Variants in BBS9 observed in about 807,000 individuals in gnomAD.
BBS9 encodes the protein protein PTHB1.
A neutral mutation model predicts 117.7 loss-of-function variants in BBS9; 89 were observed. The observed-to-expected ratio is 0.76, with a 90% CI of 0.64 to 0.90. The LOEUF (loss-of-function observed/expected upper bound fraction) is 0.90, where lower values mean the gene tolerates loss of function less well. Among genes scored for constraint, BBS9 ranks in the 40% least tolerant of loss-of-function variants. The pLI, the probability that BBS9 is intolerant of heterozygous loss-of-function variation, is 0.00. For missense variants in BBS9, 982 were observed against 1,042.2 expected (o/e 0.94, Z 0.80); for synonymous variants, 379 against 370.9 (o/e 1.02, Z -0.25).
At chr7:33,587,860 A>G (rs1009124516) in intron 21 of BBS9, among the ~76,000 whole-genome samples, 2 of 152,092 alleles carry the variant, frequency 1.3e-5, no homozygotes, top group African/African-American at 2.4e-5. Context: ...CCAGTTGTTT[A>G]TCTAATCTTT....
intron 5 of BBS9, among the ~76,000 whole-genome samples, chr7:33,219,737 C>G (rs144015611): frequency 6.6e-6 from 1 of 152,302 alleles, no homozygotes; most frequent in East Asian, 1.9e-4. Context: ...GACCACTTGG[C>G]TCTACCAATC....
chr7:33,392,971 C>T (rs932389141), intron 19 of BBS9, among the ~76,000 whole-genome samples: 1 of 152,032 alleles, frequency 6.6e-6, no homozygotes, highest in Non-Finnish European at 1.5e-5. Context: ...TTTGAGATCC[C>T]TATGAGCAAC....
intron 5 of BBS9, among the ~76,000 whole-genome samples, chr7:33,222,473 T>C (rs1180153573): frequency 6.6e-6 from 1 of 152,180 alleles, no homozygotes; most frequent in Admixed American, 6.5e-5. Context: ...CTACCATTAT[T>C]GCCTGAATTT....
chr7:33,219,656 G>T (rs1789828891), intron 5 of BBS9, among the ~76,000 whole-genome samples: 1 of 152,104 alleles, frequency 6.6e-6, no homozygotes, highest in Admixed American at 6.5e-5. Flanking sequence ...AGCTAATCTG[G>T]TGGGGACATG....
intron 4 of BBS9, among the ~76,000 whole-genome samples, chr7:33,158,921 A>G (rs1004742319): frequency 6.6e-6 from 1 of 152,176 alleles, no homozygotes; most frequent in Non-Finnish European, 1.5e-5. Context: ...AGAAAAAGGA[A>G]AGTGACAGAC....
intron 5 of BBS9, among the ~76,000 whole-genome samples, chr7:33,232,395 CT>C (rs1406367382): frequency 2.0e-5 from 3 of 152,018 alleles, no homozygotes; most frequent in Non-Finnish European, 4.4e-5. Flanking sequence ...AATACATGTA[CT>C]TTTAAGTCAA....
intron 9 of BBS9, among the ~76,000 whole-genome samples, chr7:33,296,941 G>A (rs548312026): frequency 2.6e-5 from 4 of 152,190 alleles, no homozygotes; most frequent in African/African-American, 9.6e-5. Flanking sequence ...ACTCTTCAAA[G>A]GAAAGTTTTT....
chr7:33,623,115 G>A (rs996831980), intron 21 of BBS9, among the ~76,000 whole-genome samples: 5 of 152,078 alleles, frequency 3.3e-5, no homozygotes, highest in Admixed American at 2.0e-4. Flanking sequence ...TAAAAATCAT[G>A]TCATAAAGTG....
intron 19 of BBS9, among the ~76,000 whole-genome samples, chr7:33,419,171 A>G (rs968519735): frequency 2.0e-5 from 3 of 152,094 alleles, no homozygotes; most frequent in Non-Finnish European, 4.4e-5. Context: ...TGCCCTTGCT[A>G]CCTTAATTAT....
At chr7:33,289,331 T>C (rs1002294505) in intron 9 of BBS9, among the ~76,000 whole-genome samples, 1 of 152,216 alleles carries the variant, frequency 6.6e-6, no homozygotes, top group African/African-American at 2.4e-5. Context: ...GGAAAACTAA[T>C]GATGCAGCCA....
intron 19 of BBS9, among the ~76,000 whole-genome samples, chr7:33,422,564 C>T (rs1011993435): frequency 1.3e-5 from 2 of 152,158 alleles, no homozygotes; most frequent in African/African-American, 4.8e-5. Flanking sequence ...CTAGCTACCA[C>T]AATTCAATTA....
chr7:33,486,968 C>T (rs1319088336), intron 19 of BBS9, among the ~76,000 whole-genome samples: 1 of 152,146 alleles, frequency 6.6e-6, no homozygotes, highest in African/African-American at 2.4e-5. Flanking sequence ...AGTGTCTTAC[C>T]CCACTGGGGT....
chr7:33,635,220 A>G lies in BBS9; in HGVS notation c.2565A>G (p.Ile855Met), dbSNP rs899588023. Among the ~76,000 whole-genome samples the G allele has an allele frequency of 2.3e-4, 20 of 88,584 alleles. No individual in the cohort carries two copies. Among genetic ancestry groups the G allele is most frequent in the African/African-American group, 5.8e-4 (19 of 32,884 alleles). The allele number at this position is 88,584 out of a possible 152,430, so 58.1% of individuals were successfully genotyped here. A position where few individuals can be genotyped will look rare whatever the true frequency, so the allele number is the denominator to read the frequency against. Residue 855 changes from isoleucine to methionine, a missense_variant, in exon 22 of 22, where the codon ATA (isoleucine) becomes ATG (methionine). Coordinates refer to the BBS9 transcript ENST00000671952. Reference sequence around the variant, plus strand: ...GGATCGAGGCCTGGACCCTAAGAATACCCCACTCCCTGAGCCAGCATCTCC... The same window carrying G: ...GGATCGAGGCCTGGACCCTAAGAATGCCCCACTCCCTGAGCCAGCATCTCC...
intron 9 of BBS9, among the ~76,000 whole-genome samples, chr7:33,291,337 A>G (rs1584131394): frequency 6.6e-6 from 1 of 152,248 alleles, no homozygotes; most frequent in Non-Finnish European, 1.5e-5. Context: ...AATCACAATA[A>G]TTTTTGTCCA....
chr7:33,479,821 T>C (rs1279579419), intron 19 of BBS9, among the ~76,000 whole-genome samples: 1 of 152,160 alleles, frequency 6.6e-6, no homozygotes, highest in East Asian at 1.9e-4. Flanking sequence ...TGTGTATCAG[T>C]GATGTTGAGT....
chr7:33,186,462 C>T (rs1254932691), intron 5 of BBS9, among the ~76,000 whole-genome samples: 1 of 152,064 alleles, frequency 6.6e-6, no homozygotes, highest in Non-Finnish European at 1.5e-5. Context: ...TTTACCTCCT[C>T]CCCCATTCAG....
At chr7:33,213,885 C>T (rs1439542009) in intron 5 of BBS9, among the ~76,000 whole-genome samples, 2 of 152,110 alleles carry the variant, frequency 1.3e-5, no homozygotes, top group Non-Finnish European at 2.9e-5. Context: ...ACTCCTCGTT[C>T]TCTTCTCCTT....
At chr7:33,554,071 G>T (rs1260795102) in intron 21 of BBS9, among the ~76,000 whole-genome samples, 1 of 152,022 alleles carries the variant, frequency 6.6e-6, no homozygotes, top group African/African-American at 2.4e-5. Flanking sequence ...GAAGTTAAAG[G>T]CCGGGAGGGG....
At position 33,450,181 on chromosome 7, in the gene BBS9, TCTATG is replaced by T. The variant is rs544813711; in HGVS notation, c.2116-55279_2116-55275del. ...CTTAGCATAAGGTCCTCAGTATTCG[TCTATG>T]CTGTATAACACATGACAGGATTTCT... On this transcript the variant is annotated intron_variant, in intron 19 of 22. Coordinates refer to ENST00000242067, the MANE Select transcript of BBS9 (RefSeq NM_198428.3). Among the ~76,000 whole-genome samples the T allele has an allele frequency of 2.7e-4, 41 of 152,360 alleles. 1 individual carries two copies. The highest frequency in any genetic ancestry group is 9.9e-4 in the African/African-American group (41 of 41,582).
Sources: allele counts gnomAD v4.1 joint callset (sites outside exome capture counted in the v4.1 genomes callset), GRCh38; gene constraint gnomAD v4.1.1; transcripts MANE v1.5; gene names NCBI Gene and HGNC (gene_info 2026-07-23, HGNC 2026-07-21).